The following CADPS2 variants were observed in gnomAD, a reference collection of about 807,000 sequenced individuals.
The protein encoded by CADPS2 is calcium-dependent secretion activator 2.
CADPS2 carries 93 observed loss-of-function variants against 172.5 expected under a neutral mutation model. The ratio of observed to expected loss-of-function variants is 0.54; its 90% CI spans 0.46 to 0.64. CADPS2 has a LOEUF of 0.64. CADPS2 is among the 30% of genes least tolerant of loss of function. The pLI is 0.00. For missense variants in CADPS2, 1,420 were observed against 1,565.9 expected (o/e 0.91, Z 1.57); for synonymous variants, 546 against 555.2 (o/e 0.98, Z 0.23).
chr7:122,542,397 C>T (rs547926369), intron 8 of CADPS2, among the ~76,000 whole-genome samples: 2 of 152,164 alleles, frequency 1.3e-5, no homozygotes, highest in East Asian at 1.9e-4. Context: ...AGTCAAATGG[C>T]TAAATCTTTG....
chr7:122,741,032 TAGA>T (rs1419770948), intron 1 of CADPS2, among the ~76,000 whole-genome samples: 1 of 152,126 alleles, frequency 6.6e-6, no homozygotes, highest in Non-Finnish European at 1.5e-5. Flanking sequence ...ATGACATGTG[TAGA>T]AGGTTATTTA....
intron 3 of CADPS2, among the ~76,000 whole-genome samples, 178 bp from the exon 4 acceptor site, chr7:122,629,506 A>T (rs2076378957): frequency 6.6e-6 from 1 of 152,126 alleles, no homozygotes; most frequent in South Asian, 2.1e-4. Flanking sequence ...AGATTGGCAG[A>T]CCAGATAAAT....
At chr7:122,599,907 A>G (rs1587726333) in intron 6 of CADPS2, among the ~76,000 whole-genome samples, 1 of 151,928 alleles carries the variant, frequency 6.6e-6, no homozygotes, top group African/African-American at 2.4e-5. Context: ...ACTGTTTCCT[A>G]TCTAATTAAA....
intron 7 of CADPS2, among the ~76,000 whole-genome samples, chr7:122,576,590 A>C (rs1476914561): frequency 6.6e-6 from 1 of 152,134 alleles, no homozygotes; most frequent in African/African-American, 2.4e-5. Context: ...TGGCAAATAC[A>C]TACAAGTATG....
intron 27 of CADPS2, among the ~76,000 whole-genome samples, chr7:122,348,390 T>A (rs915488654): frequency 4.6e-5 from 7 of 152,184 alleles, no homozygotes; most frequent in Admixed American, 4.6e-4. Context: ...ACGAAATGCT[T>A]TTCCTATTGG....
chr7:122,520,975 T>C (rs548771051), intron 8 of CADPS2, among the ~76,000 whole-genome samples: 3 of 152,238 alleles, frequency 2.0e-5, no homozygotes, highest in East Asian at 3.9e-4. Context: ...GGATCACTTA[T>C]GAGTCTAGCG....
At chr7:122,514,313 A>T (rs907980290) in intron 8 of CADPS2, among the ~76,000 whole-genome samples, 2 of 152,120 alleles carry the variant, frequency 1.3e-5, no homozygotes, top group African/African-American at 4.8e-5. Flanking sequence ...CGAAATTTAT[A>T]TACAATTCTG....
At chr7:122,748,536 G>A (rs1055446067) in intron 1 of CADPS2, among the ~76,000 whole-genome samples, 1 of 152,146 alleles carries the variant, frequency 6.6e-6, no homozygotes, top group African/African-American at 2.4e-5. Context: ...CCACACAATG[G>A]CCTTTTCCAG....
At chr7:122,584,386 A>G (rs984257691) in intron 6 of CADPS2, among the ~76,000 whole-genome samples, 2 of 151,958 alleles carry the variant, frequency 1.3e-5, no homozygotes, top group Non-Finnish European at 2.9e-5. Context: ...AAGTACTTAT[A>G]CAAAGTTGTA....
rs1253036376 is a variant in CADPS2 at position 122,697,611 on chromosome 7, C to CA, written c.454-34043dup. On this transcript the variant is annotated intron_variant, in intron 2 of 29. Transcript: ENST00000449022. ...CACTTAGCAAAGGTCCAAAATTGCACAAAAAAAATCCCGCTAGGACTTTTT... is the reference window on the plus strand; with the variant it reads ...CACTTAGCAAAGGTCCAAAATTGCACAAAAAAAAATCCCGCTAGGACTTTTT... 2.0e-4 allele frequency: 107 copies of CA among 543,044 alleles called. No individual in the cohort carries two copies. In the South Asian group the frequency reaches 2.5e-3, roughly 13 times the overall value. 33.6% of individuals were successfully genotyped at this position (543,044 alleles called of 1,614,324 possible).
intron 4 of CADPS2, among the ~76,000 whole-genome samples, chr7:122,621,961 C>T (rs56078204): frequency 0.036 from 5,540 of 152,160 alleles, 142 homozygotes; most frequent in Non-Finnish European, 0.059. Flanking sequence ...TATATTTTCA[C>T]ATTAAATTTA....
rs559774082 is a variant in CADPS2 at position 122,695,277 on chromosome 7, A to G, written c.454-31708T>C. Among the ~76,000 whole-genome samples, 5 of 152,340 alleles carry G rather than the reference A, an allele frequency of 3.3e-5. No homozygotes were observed. In the South Asian group the frequency reaches 1.0e-3, roughly 32 times the overall value. Reference sequence around the variant, plus strand: ...ACCTAATTTATCTGAGGAGTGAATAAAAAAGCAAGCTTAATTCTTACAAGG... The same window carrying G: ...ACCTAATTTATCTGAGGAGTGAATAGAAAAGCAAGCTTAATTCTTACAAGG... On this transcript the variant is annotated intron_variant, in intron 2 of 29. Coordinates refer to ENST00000449022, the MANE Select transcript of CADPS2 (RefSeq NM_017954.11).
intron 16 of CADPS2, chr7:122,439,330 T>C (rs552745688): frequency 6.6e-6 from 1 of 152,332 alleles, no homozygotes; most frequent in South Asian, 2.1e-4. Context: ...TCTTTCTGCA[T>C]ATTTAATGCA....
intron 7 of CADPS2, among the ~76,000 whole-genome samples, chr7:122,579,830 C>A (rs2132811997): frequency 6.6e-6 from 1 of 152,030 alleles, no homozygotes; most frequent in Non-Finnish European, 1.5e-5. Flanking sequence ...TTAACAAATA[C>A]ACATATCAAT....
intron 8 of CADPS2, among the ~76,000 whole-genome samples, chr7:122,551,255 G>T (rs778276824): frequency 2.6e-5 from 4 of 151,774 alleles, no homozygotes; most frequent in Non-Finnish European, 5.9e-5. Flanking sequence ...ATCTTTTAAG[G>T]TTCCATTTGT....
intron 1 of CADPS2, among the ~76,000 whole-genome samples, chr7:122,777,013 C>G (rs143396896): frequency 5.3e-5 from 8 of 151,954 alleles, no homozygotes; most frequent in African/African-American, 1.9e-4. Flanking sequence ...TAGCCAAGCA[C>G]GGCAGTGTGT....
intron 2 of CADPS2, among the ~76,000 whole-genome samples, chr7:122,720,591 T>C (rs915003034): frequency 6.6e-6 from 1 of 151,134 alleles, no homozygotes; most frequent in African/African-American, 2.4e-5. Flanking sequence ...TGTATATGTA[T>C]ATACATACAT....
At chr7:122,612,607 T>G (rs1409899763) in intron 6 of CADPS2, among the ~76,000 whole-genome samples, 1 of 152,062 alleles carries the variant, frequency 6.6e-6, no homozygotes, top group African/African-American at 2.4e-5. Flanking sequence ...AAGATGGCAG[T>G]ATGCTCCAAA....
intron 6 of CADPS2, among the ~76,000 whole-genome samples, chr7:122,586,406 T>C (rs987840691): frequency 3.3e-5 from 5 of 152,022 alleles, no homozygotes; most frequent in African/African-American, 9.7e-5. Context: ...GTGCCCACTT[T>C]TGACCTGTCT....
Sources: allele counts gnomAD v4.1 joint callset (sites outside exome capture counted in the v4.1 genomes callset), GRCh38; gene constraint gnomAD v4.1.1; transcripts MANE v1.5; gene names NCBI Gene and HGNC (gene_info 2026-07-23, HGNC 2026-07-21).